The following KCNJ15 variants were observed in gnomAD, a reference collection of about 807,000 sequenced individuals.
KCNJ15 encodes ATP-sensitive inward rectifier potassium channel 15.
Under a neutral mutation model 23.0 loss-of-function variants are expected in KCNJ15, and 14 were observed. The ratio of observed to expected loss-of-function variants is 0.61; its 90% CI spans 0.40 to 0.95. The LOEUF (loss-of-function observed/expected upper bound fraction) is 0.95. KCNJ15 is among the 40% of genes least tolerant of loss of function. The pLI is 0.00. For synonymous variants in KCNJ15, 185 were observed against 183.2 expected, an observed-to-expected ratio of 1.01 and a Z score of -0.08; for missense variants, 388 against 461.8, an observed-to-expected ratio of 0.84 and a Z score of 1.46.
chr21:38,243,097 G>A (rs982277927), intron 1 of KCNJ15, among the ~76,000 whole-genome samples: 1 of 152,040 alleles, frequency 6.6e-6, no homozygotes, highest in African/African-American at 2.4e-5. Context: ...TAATTACTGA[G>A]ATTTGGGCCA....
chr21:38,235,097 C>T (rs980349294), intron 1 of KCNJ15, among the ~76,000 whole-genome samples: 8 of 152,300 alleles, frequency 5.3e-5, no homozygotes, highest in African/African-American at 1.7e-4. Context: ...TCAGTGTACT[C>T]ATTGAAGAGT....
chr21:38,249,234 A>G (rs555828964), intron 1 of KCNJ15, among the ~76,000 whole-genome samples: 1 of 152,326 alleles, frequency 6.6e-6, no homozygotes, highest in African/African-American at 2.4e-5. Context: ...AAAACAAAAC[A>G]TAATGACTTT....
chr21:38,273,101 G>A (rs1287420515), intron 1 of KCNJ15, among the ~76,000 whole-genome samples: 3 of 152,210 alleles, frequency 2.0e-5, no homozygotes, highest in Admixed American at 1.3e-4. Context: ...TGTAAATGCA[G>A]CGGTTAGAAA....
Position 38,301,117 on chromosome 21 carries a change from C to G in KCNJ15, c.*728C>G, listed in dbSNP as rs1985747600. ...AAATATTTCCATTCAAAATGTGGTT[C>G]ACAGACCCGCCACATCAGCACCATC... is the stretch of plus-strand genomic sequence containing the variant. On this transcript the variant is annotated 3_prime_UTR_variant, in exon 3 of 3. Transcript: ENST00000398938. 1 of 166,548 alleles carries G rather than the reference C, an allele frequency of 6.0e-6. No homozygotes were observed. The highest frequency in any genetic ancestry group is 1.5e-5 in the Non-Finnish European group (1 of 68,054). 10.3% of individuals were successfully genotyped at this position (166,548 alleles called of 1,614,324 possible).
chr21:38,232,420 A>G (rs778544951), intron 1 of KCNJ15, among the ~76,000 whole-genome samples: 14 of 151,852 alleles, frequency 9.2e-5, no homozygotes, highest in Non-Finnish European at 2.1e-4. Flanking sequence ...AAGTTTTGAT[A>G]TAACTTTTCT....
intron 1 of KCNJ15, among the ~76,000 whole-genome samples, chr21:38,241,855 G>T (rs1979020094): frequency 6.6e-6 from 1 of 151,528 alleles, no homozygotes; most frequent in African/African-American, 2.4e-5. Context: ...TGTAATCCCA[G>T]CTACTTGGAA....
rs1431564696 is a variant in KCNJ15 at position 38,301,046 on chromosome 21, C to G, written c.*657C>G. The G allele has an allele frequency of 6.0e-6, 1 of 166,702 alleles. No individual in the cohort carries two copies. The highest frequency in any genetic ancestry group is 1.5e-5 in the Non-Finnish European group (1 of 68,100). The allele number at this position is 166,702 out of a possible 1,614,324, so 10.3% of individuals were successfully genotyped here. ...AATGGGGCTGATGCCATTGTTTCCT[C>G]TATTTTATTTTATTTATTTTTGAAT... On this transcript the variant is annotated 3_prime_UTR_variant, in exon 3 of 3. Coordinates refer to ENST00000398938, the MANE Select transcript of KCNJ15 (RefSeq NM_170736.3).
chr21:38,254,672 A>AAG (rs752599110), upstream of KCNJ15, among the ~76,000 whole-genome samples: 27 of 152,222 alleles, frequency 1.8e-4, no homozygotes, highest in Admixed American at 3.9e-4. Flanking sequence ...TGAAAGTGAA[A>AAG]AGAGCTGTTT....
At chr21:38,256,930 CTCCT>C (rs1282902089), upstream of KCNJ15, 3 of 149,580 alleles carry the variant, frequency 2.0e-5, no homozygotes, top group African/African-American at 7.5e-5. Flanking sequence ...CCCTCCCTCC[CTCCT>C]TCCCTATCCC....
rs117614458 is a variant in KCNJ15 at position 38,289,995 on chromosome 21, C to T, written c.-116-6931C>T. 5.0e-3 allele frequency among the ~76,000 whole-genome samples: 757 copies of T among 152,310 alleles called. 3 individuals are homozygous for T. Among genetic ancestry groups the T allele is most frequent in the Middle Eastern group, 0.01 (3 of 294 alleles). ...TGCCCTCCGCTGCGGCACTCTCACTCTATAGGGAAGTTAGTTGTTATTAGG... is the reference window on the plus strand; with the variant it reads ...TGCCCTCCGCTGCGGCACTCTCACTTTATAGGGAAGTTAGTTGTTATTAGG... On this transcript the variant is annotated intron_variant, in intron 1 of 2. Transcript: ENST00000398938.
intron 1 of KCNJ15, among the ~76,000 whole-genome samples, chr21:38,258,365 T>TTCCA (rs1980498537): frequency 6.6e-6 from 1 of 152,254 alleles, no homozygotes; most frequent in African/African-American, 2.4e-5. Flanking sequence ...TCAGAGACAC[T>TTCCA]TCCAGCCGAT....
chr21:38,261,020 A>T (rs2123610342), intron 1 of KCNJ15, among the ~76,000 whole-genome samples: 1 of 152,242 alleles, frequency 6.6e-6, no homozygotes, highest in South Asian at 2.1e-4. Flanking sequence ...AGATAACACG[A>T]ATCCTCAGAG....
chr21:38,266,539 G>C (rs113622400), intron 1 of KCNJ15, among the ~76,000 whole-genome samples: 115 of 152,228 alleles, frequency 7.6e-4, no homozygotes, highest in Middle Eastern at 3.4e-3. Context: ...GTCTATCATT[G>C]ATGGGCATTA....
intron 1 of KCNJ15, among the ~76,000 whole-genome samples, chr21:38,241,707 C>T (rs60095751): frequency 0.066 from 10,055 of 152,164 alleles, 802 homozygotes; most frequent in African/African-American, 0.19. Context: ...AGGCTCATGC[C>T]TGTAATCATA....
intron 1 of KCNJ15, among the ~76,000 whole-genome samples, chr21:38,281,941 C>G (rs1983391655): frequency 6.6e-6 from 1 of 152,080 alleles, no homozygotes; most frequent in African/African-American, 2.4e-5. Context: ...TATTTTTTGA[C>G]TTTTTAGTAA....
At chr21:38,278,500 T>A (rs1165564814) in intron 1 of KCNJ15, among the ~76,000 whole-genome samples, 1 of 152,218 alleles carries the variant, frequency 6.6e-6, no homozygotes. Context: ...TAGTGGCAGT[T>A]GTTGGTTGGA....
intron 1 of KCNJ15, among the ~76,000 whole-genome samples, chr21:38,251,050 G>A (rs1015701853): frequency 6.6e-6 from 1 of 152,102 alleles, no homozygotes; most frequent in Non-Finnish European, 1.5e-5. Context: ...TAGAAGAGGT[G>A]GGGGGTAATA....
chr21:38,238,010 T>G, intron 1 of KCNJ15: 1 of 219,666 alleles, frequency 4.6e-6, no homozygotes, highest in South Asian at 6.7e-5. Context: ...AATTCTGTCC[T>G]CTAGGCTGGA....
In KCNJ15 at chr21:38,261,066, G is replaced by A. The variant is rs185764608; in HGVS notation, c.-117+3881G>A. ...GCCATCAAAGAAAAAAGAGGGTGAC[G>A]CAGAGAGGGAACACTGCAGGGGAGG... On this transcript the variant is annotated intron_variant, in intron 1 of 2. Transcript: ENST00000398938. Among the ~76,000 whole-genome samples, 259 of 147,860 alleles carry A rather than the reference G, an allele frequency of 1.8e-3. 2 individuals carry two copies. Among genetic ancestry groups the A allele is most frequent in the Non-Finnish European group, 3.3e-3 (220 of 67,212 alleles).
Sources: allele counts gnomAD v4.1 joint callset (sites outside exome capture counted in the v4.1 genomes callset), GRCh38; gene constraint gnomAD v4.1.1; transcripts MANE v1.5; gene names NCBI Gene and HGNC (gene_info 2026-07-23, HGNC 2026-07-21).